LRRC4C: variants seen among roughly 807,000 people sequenced by gnomAD.
LRRC4C encodes the protein leucine rich repeat containing 4C, also known as leucine-rich repeat-containing protein 4C.
Under a neutral mutation model 33.6 loss-of-function variants are expected in LRRC4C, and 5 were observed. The observed-to-expected ratio is 0.15, with a 90% CI of 0.08 to 0.31. The LOEUF is 0.31. Ranked by LOEUF, LRRC4C falls within the 10% of genes least tolerant of loss-of-function variation. The probability of loss-of-function intolerance (pLI) is 1.00; values close to 1 mark genes in which losing one functional copy is unlikely to be tolerated. For missense variants in LRRC4C, 560 were observed against 796.7 expected (o/e 0.70, Z 3.58); for synonymous variants, 329 against 302.0 (o/e 1.09, Z -0.93).
At chr11:40,562,772 G>T (rs1957599951) in intron 3 of LRRC4C, among the ~76,000 whole-genome samples, 1 of 152,126 alleles carries the variant, frequency 6.6e-6, no homozygotes, top group African/African-American at 2.4e-5. Context: ...CAATGGCTGA[G>T]CAAATTGTGT....
chr11:41,198,037 A>C (rs1324127742), intron 1 of LRRC4C, among the ~76,000 whole-genome samples: 1 of 151,980 alleles, frequency 6.6e-6, no homozygotes, highest in Non-Finnish European at 1.5e-5. Context: ...CAGAAATATA[A>C]ACCTTCTGTG....
chr11:41,419,462 G>C (rs148081999), intron 1 of LRRC4C, among the ~76,000 whole-genome samples: 2 of 151,848 alleles, frequency 1.3e-5, no homozygotes, highest in Admixed American at 1.3e-4. Flanking sequence ...CTCCAGGTAG[G>C]GTTGAGACTG....
chr11:41,037,155 C>G (rs199852528), intron 1 of LRRC4C, among the ~76,000 whole-genome samples: 1 of 63,072 alleles, frequency 1.6e-5, no homozygotes, highest in Non-Finnish European at 4.4e-5. Context: ...CCTTTCTGTA[C>G]AAGAGAAACA....
chr11:40,774,951 T>C (rs895836698), intron 2 of LRRC4C, among the ~76,000 whole-genome samples: 21 of 151,998 alleles, frequency 1.4e-4, no homozygotes, highest in African/African-American at 4.3e-4. Context: ...CTCTGCTCTG[T>C]TTTCAAATTA....
intron 5 of LRRC4C, among the ~76,000 whole-genome samples, chr11:40,218,641 T>TC (rs60926894): frequency 0.71 from 91,640 of 128,528 alleles, 33,159 homozygotes; most frequent in East Asian, 0.81. Context: ...TATGTATCTA[T>TC]TTATCTATCT....
intron 3 of LRRC4C, among the ~76,000 whole-genome samples, chr11:40,381,374 G>T (rs963503426): frequency 6.6e-6 from 1 of 151,944 alleles, no homozygotes. Context: ...CTATAATTCT[G>T]CCCTAGAACA....
intron 2 of LRRC4C, among the ~76,000 whole-genome samples, chr11:40,767,867 G>T (rs1949548505): frequency 6.6e-6 from 1 of 151,652 alleles, no homozygotes. Context: ...CATCAACAAG[G>T]TAGTAAAACT....
chr11:40,309,880 G>A (rs1280676077), intron 4 of LRRC4C, among the ~76,000 whole-genome samples: 1 of 152,164 alleles, frequency 6.6e-6, no homozygotes, highest in Non-Finnish European at 1.5e-5. Flanking sequence ...GAAAGGAAAG[G>A]ATGGTTGAGG....
chr11:40,784,105 A>G (rs1316260492), intron 2 of LRRC4C, among the ~76,000 whole-genome samples: 1 of 152,088 alleles, frequency 6.6e-6, no homozygotes, highest in East Asian at 1.9e-4. Context: ...CATTCATTAA[A>G]GAATAATCCT....
At chr11:41,390,501 C>T (rs952734598) in intron 1 of LRRC4C, among the ~76,000 whole-genome samples, 3 of 152,002 alleles carry the variant, frequency 2.0e-5, no homozygotes, top group Admixed American at 1.3e-4. Flanking sequence ...AGCCACATGG[C>T]TTTCTTAAGT....
intron 2 of LRRC4C, among the ~76,000 whole-genome samples, chr11:40,750,201 G>A (rs534280654): frequency 2.0e-5 from 3 of 152,186 alleles, no homozygotes; most frequent in South Asian, 4.2e-4. Context: ...CAATCTGGGT[G>A]ACAGAGTGAG....
chr11:40,231,229 G>C (rs912462848), intron 5 of LRRC4C, among the ~76,000 whole-genome samples: 1 of 152,052 alleles, frequency 6.6e-6, no homozygotes, highest in Non-Finnish European at 1.5e-5. Flanking sequence ...AAAAACAAAC[G>C]AACTTCACGA....
intron 1 of LRRC4C, among the ~76,000 whole-genome samples, chr11:41,301,672 T>C (rs1158866181): frequency 1.3e-5 from 2 of 152,170 alleles, no homozygotes; most frequent in African/African-American, 4.8e-5. Flanking sequence ...ATAATTTTCT[T>C]ATAATTCCAT....
intron 1 of LRRC4C, among the ~76,000 whole-genome samples, chr11:41,149,682 T>C (rs1943904344): frequency 6.6e-6 from 1 of 152,090 alleles, no homozygotes; most frequent in Non-Finnish European, 1.5e-5. Context: ...TGTAGTTTTG[T>C]TAGATTTGTC....
At position 41,163,284 on chromosome 11, in the gene LRRC4C, G is replaced by GTTTTT. The variant is rs71466923; in HGVS notation, c.-495-229566_-495-229562dup. On this transcript the variant is annotated intron_variant, in intron 1 of 6. Coordinates refer to ENST00000528697, the MANE Select transcript of LRRC4C (RefSeq NM_001258419.2). ...GTAATAAACTTAGTTTACTGTAACT[G>GTTTTT]TTTTTTTTTTTTTTTTTCAAACAGG... Among the ~76,000 whole-genome samples the GTTTTT allele has an allele frequency of 3.5e-3, 254 of 73,368 alleles. 53 individuals carry two copies. The highest frequency in any genetic ancestry group is 0.012 in the African/African-American group (232 of 19,862). The allele number at this position is 73,368 out of a possible 152,430, so 48.1% of individuals were successfully genotyped here. A position where few individuals can be genotyped will look rare whatever the true frequency, so the allele number is the denominator to read the frequency against.
At chr11:40,290,906 A>G (rs1944149467) in intron 4 of LRRC4C, among the ~76,000 whole-genome samples, 1 of 152,116 alleles carries the variant, frequency 6.6e-6, no homozygotes, top group Non-Finnish European at 1.5e-5. Flanking sequence ...ACCCTTACTC[A>G]TAAAACGGCA....
chr11:40,789,677 A>G (rs781572295), intron 2 of LRRC4C, among the ~76,000 whole-genome samples: 1 of 152,222 alleles, frequency 6.6e-6, no homozygotes, highest in Non-Finnish European at 1.5e-5. Flanking sequence ...ATAAGCATAG[A>G]TGTGTACAAA....
At chr11:40,251,793 G>A (rs1866805450) in intron 4 of LRRC4C, among the ~76,000 whole-genome samples, 1 of 152,136 alleles carries the variant, frequency 6.6e-6, no homozygotes, top group African/African-American at 2.4e-5. Flanking sequence ...AGGATGCATT[G>A]ACAAGTCATT....
chr11:40,636,679 C>T (rs553461434), intron 3 of LRRC4C, among the ~76,000 whole-genome samples: 1 of 152,256 alleles, frequency 6.6e-6, no homozygotes, highest in African/African-American at 2.4e-5. Flanking sequence ...TAGTATATAA[C>T]ATGTAACCAC....
Sources: gnomAD v4.1 joint callset for allele counts (sites outside exome capture counted in the v4.1 genomes callset) on GRCh38, gnomAD v4.1.1 for gene constraint, MANE v1.5 for transcripts, NCBI Gene and HGNC (gene_info 2026-07-23, HGNC 2026-07-21) for gene names.